RNF111: variants seen among roughly 807,000 people sequenced by gnomAD.
The protein encoded by RNF111 is E3 ubiquitin-protein ligase Arkadia.
RNF111 carries 17 observed loss-of-function variants against 95.1 expected under a neutral mutation model. That is an observed-to-expected ratio of 0.18 (90% CI 0.12 to 0.27). RNF111 has a LOEUF of 0.27. RNF111 is among the 10% of genes least tolerant of loss of function. The pLI is 1.00. For synonymous variants in RNF111, 440 were observed against 414.8 expected, an observed-to-expected ratio of 1.06 and a Z score of -0.74; for missense variants, 1,189 against 1,210.4, an observed-to-expected ratio of 0.98 and a Z score of 0.26.
intron 6 of RNF111, among the ~76,000 whole-genome samples, chr15:59,072,032 G>T (rs531841163): frequency 1.3e-5 from 2 of 152,238 alleles, no homozygotes; most frequent in African/African-American, 4.8e-5. Flanking sequence ...ATACCTTATT[G>T]TACATGTTTC....
chr15:59,081,115 C>G lies in RNF111; in HGVS notation c.2128C>G (p.Pro710Ala). The G allele has an allele frequency of 1.2e-6, 2 of 1,614,126 alleles. No individual in the cohort carries two copies. The highest frequency in any genetic ancestry group is 2.2e-5 in the East Asian group (1 of 44,880). Residue 710 changes from proline to alanine, a missense_variant, in exon 8 of 14, where the codon CCA (proline) becomes GCA (alanine). Pro to Ala is a conservative substitution (Grantham distance 27). Transcript: ENST00000348370. ...ATCTCATCCTGTGGCACCCCCACCA[C>G]CAACTCACTTAGCCAGTACAGCTGC... ...ATSHPVAPPP[P>A]THLASTAAPI...
At chr15:59,047,668 C>T (rs1421189321) in intron 2 of RNF111, among the ~76,000 whole-genome samples, 4 of 152,044 alleles carry the variant, frequency 2.6e-5, no homozygotes, top group African/African-American at 9.7e-5. Flanking sequence ...GTGCGTCTCC[C>T]AGGCTCAAGC....
chr15:59,095,992 A>C lies in RNF111; in HGVS notation c.*1092A>C. The stretch of plus-strand genomic sequence containing the variant: ...CTTGTTTTATTTCTCTCTAAACTTG[A>C]AAACAGTAAATCTGCAGATACTGTG... On this transcript the variant is annotated 3_prime_UTR_variant, in exon 14 of 14. Coordinates refer to ENST00000348370, the MANE Select transcript of RNF111 (RefSeq NM_017610.8). The C allele has an allele frequency of 2.5e-6, 1 of 398,608 alleles. No homozygotes were observed. The highest frequency in any genetic ancestry group is 1.3e-4 in the South Asian group (1 of 7,850). 24.7% of individuals were successfully genotyped at this position (398,608 alleles called of 1,614,324 possible).
chr15:59,031,736 C>T lies in RNF111; in HGVS notation c.880+34C>T, dbSNP rs1465395537. 6 of 1,571,138 alleles carry T rather than the reference C, an allele frequency of 3.8e-6. No homozygotes were observed. In the East Asian group the frequency reaches 1.3e-4, roughly 35 times the overall value. On this transcript the variant is annotated intron_variant, in intron 2 of 13. Transcript: ENST00000348370. ...GTTTAAGCTGAGTAAAACATGGAAC[C>T]TATTGCATTGCATTTGTGCTTAATT...
chr15:59,045,315 C>G (rs997442441), intron 2 of RNF111, among the ~76,000 whole-genome samples: 18 of 151,920 alleles, frequency 1.2e-4, no homozygotes, highest in Middle Eastern at 6.8e-3. Context: ...CTCAGCCTCC[C>G]GAGTAGCTGG....
chr15:59,006,641 C>T (rs1488535919), intron 1 of RNF111, among the ~76,000 whole-genome samples: 1 of 152,124 alleles, frequency 6.6e-6, no homozygotes, highest in Non-Finnish European at 1.5e-5. Flanking sequence ...TTTGTTCCTC[C>T]AACCGTCCAT....
At chr15:59,041,645 T>C (rs2041456428) in intron 2 of RNF111, among the ~76,000 whole-genome samples, 1 of 152,222 alleles carries the variant, frequency 6.6e-6, no homozygotes, top group South Asian at 2.1e-4. Flanking sequence ...TGGAATAGTA[T>C]TCTAGAAGGC....
At chr15:59,000,445 C>G (rs539393662) in intron 1 of RNF111, among the ~76,000 whole-genome samples, 1 of 152,126 alleles carries the variant, frequency 6.6e-6, no homozygotes, top group Admixed American at 6.5e-5. Context: ...GGCCTGGTGG[C>G]TCACATCTGT....
intron 1 of RNF111, among the ~76,000 whole-genome samples, chr15:59,028,758 G>A (rs1236862343): frequency 4.7e-5 from 7 of 147,536 alleles, no homozygotes; most frequent in Middle Eastern, 3.4e-3. Flanking sequence ...GAAATGCTAG[G>A]TCACATAGCA....
intron 1 of RNF111, among the ~76,000 whole-genome samples, chr15:59,026,411 A>G (rs1035748166): frequency 4.3e-5 from 5 of 115,826 alleles, no homozygotes; most frequent in Admixed American, 1.7e-4. Context: ...AAATGATTGG[A>G]TCGATCTACA....
intron 7 of RNF111, among the ~76,000 whole-genome samples, chr15:59,078,788 G>A (rs955469231): frequency 1.3e-5 from 2 of 151,484 alleles, no homozygotes; most frequent in Non-Finnish European, 2.9e-5. Flanking sequence ...GAACCTGGGA[G>A]ATGGAGATTG....
intron 2 of RNF111, among the ~76,000 whole-genome samples, chr15:59,035,429 TG>T (rs1267808512): frequency 1.3e-5 from 2 of 152,212 alleles, no homozygotes; most frequent in African/African-American, 4.8e-5. Flanking sequence ...CATATGAGCC[TG>T]TAAAATTAGA....
intron 1 of RNF111, among the ~76,000 whole-genome samples, chr15:58,989,142 A>G (rs2038696126): frequency 6.6e-6 from 1 of 152,210 alleles, no homozygotes; most frequent in African/African-American, 2.4e-5. Flanking sequence ...TAGCTTTATT[A>G]CAGTAAAGAT....
intron 6 of RNF111, among the ~76,000 whole-genome samples, chr15:59,072,826 T>TTTTG (rs561856564): frequency 2.0e-5 from 3 of 151,772 alleles, no homozygotes; most frequent in Admixed American, 6.6e-5. Context: ...TGCTGCAGTT[T>TTTTG]TTTGTTTGTT....
chr15:59,088,974 TG>T (rs2078974586), intron 10 of RNF111, among the ~76,000 whole-genome samples: 1 of 152,136 alleles, frequency 6.6e-6, no homozygotes, highest in Admixed American at 6.5e-5. Context: ...GTGAAAAACG[TG>T]GCACTAAACA....
intron 8 of RNF111, 104 bp from the exon 9 acceptor site, chr15:59,084,025 A>T: frequency 1.2e-6 from 1 of 861,924 alleles, no homozygotes; most frequent in Non-Finnish European, 1.6e-6. Flanking sequence ...ACTAATCTAT[A>T]GATGTTTATA....
intron 1 of RNF111, among the ~76,000 whole-genome samples, chr15:59,018,893 A>G (rs1010116920): frequency 6.6e-6 from 1 of 151,770 alleles, no homozygotes; most frequent in Non-Finnish European, 1.5e-5. Flanking sequence ...CTGCCCTCTT[A>G]TTTGTGCATA....
At chr15:59,085,849 G>A in intron 10 of RNF111, 64 bp downstream of exon 10, 5 of 1,330,586 alleles carry the variant, frequency 3.8e-6, no homozygotes, top group South Asian at 1.3e-5. Flanking sequence ...GTATTTTATT[G>A]GAAATACTTC....
At chr15:59,007,886 G>A (rs1319231317) in intron 1 of RNF111, among the ~76,000 whole-genome samples, 3 of 152,040 alleles carry the variant, frequency 2.0e-5, no homozygotes, top group South Asian at 2.1e-4. Flanking sequence ...TTCAAGTTAC[G>A]TATATGTGTT....
Sources: allele counts gnomAD v4.1 joint callset (sites outside exome capture counted in the v4.1 genomes callset), GRCh38; gene constraint gnomAD v4.1.1; transcripts MANE v1.5; gene names NCBI Gene and HGNC (gene_info 2026-07-23, HGNC 2026-07-21).